The following PNKD variants were observed in gnomAD, a reference collection of about 807,000 sequenced individuals.
PNKD encodes probable thioesterase PNKD.
PNKD carries 36 observed loss-of-function variants against 45.3 expected under a neutral mutation model. The observed-to-expected ratio is 0.80, with a 90% CI of 0.61 to 1.05. PNKD has a LOEUF of 1.05. PNKD is among the 50% of genes least tolerant of loss of function. The probability of loss-of-function intolerance (pLI) is 0.00; values close to 1 mark genes in which losing one functional copy is unlikely to be tolerated. For missense variants in PNKD, 511 were observed against 506.6 expected (o/e 1.01, Z -0.08); for synonymous variants, 197 against 210.1 (o/e 0.94, Z 0.54).
intron 2 of PNKD, among the ~76,000 whole-genome samples, chr2:218,307,844 G>A (rs1028136376): frequency 3.3e-5 from 5 of 152,180 alleles, no homozygotes; most frequent in Admixed American, 3.3e-4. Flanking sequence ...GGAAGGCAGA[G>A]GAAAAAGGCA....
At chr2:218,330,190 T>A (rs886421332) in intron 2 of PNKD, among the ~76,000 whole-genome samples, 4 of 152,204 alleles carry the variant, frequency 2.6e-5, no homozygotes, top group African/African-American at 9.7e-5. Context: ...GCCCCTGTTA[T>A]GCTGCTCCCC....
In PNKD at chr2:218,340,301, G is replaced by C. The variant is rs889899692; in HGVS notation, c.465+160G>C. On this transcript the variant is annotated intron_variant, in intron 4 of 9. Coordinates refer to ENST00000273077, the MANE Select transcript of PNKD (RefSeq NM_015488.5). This position sits in a 1 kb window ranked among gnomAD's most constrained non-coding sequence, Gnocchi z 4.2. ...ATGCGCACACATAGCCTGGGGAAGG[G>C]GGGTACAGGGCATGGCTGGGCAGAA... 1.2e-4 allele frequency among the ~76,000 whole-genome samples: 18 copies of C among 152,130 alleles called. No individual in the cohort carries two copies. Among genetic ancestry groups the C allele is most frequent in the African/African-American group, 4.3e-4 (18 of 41,432 alleles).
intron 2 of PNKD, among the ~76,000 whole-genome samples, chr2:218,333,337 C>G (rs185912076): frequency 1.3e-5 from 2 of 152,336 alleles, no homozygotes; most frequent in Admixed American, 1.3e-4. Flanking sequence ...CCGCACAGAT[C>G]TGTCCTTTCT....
intron 2 of PNKD, among the ~76,000 whole-genome samples, chr2:218,310,038 C>T (rs779982487): frequency 2.0e-5 from 3 of 152,022 alleles, no homozygotes; most frequent in Non-Finnish European, 2.9e-5. Flanking sequence ...TTCAGGCAGT[C>T]GGTGAGGTCT....
At position 218,326,710 on chromosome 2, in the gene PNKD, CCT is replaced by C. The variant is rs1356525359; in HGVS notation, c.237-13072_237-13071del. Among the ~76,000 whole-genome samples, 1 of 152,118 alleles carries C rather than the reference CCT, an allele frequency of 6.6e-6. No individual in the cohort carries two copies. The highest frequency in any genetic ancestry group is 2.4e-5 in the African/African-American group (1 of 41,404). On this transcript the variant is annotated intron_variant, in intron 2 of 9. Coordinates refer to ENST00000273077, the MANE Select transcript of PNKD (RefSeq NM_015488.5). The surrounding 1 kb of genome is among the most constrained non-coding windows in gnomAD (Gnocchi z 4.1). ...TGGAGCTTCCTTACTTAATTCCACC[CCT>C]GTCTTCCAAGCCTGTCCTACCCACC...
At chr2:218,315,448 C>T (rs1036956343) in intron 2 of PNKD, among the ~76,000 whole-genome samples, 16 of 152,126 alleles carry the variant, frequency 1.1e-4, no homozygotes, top group Non-Finnish European at 1.6e-4. Context: ...TGAGCCATGG[C>T]GCCCGGCCAA....
chr2:218,321,659 AC>A (rs59234556), intron 2 of PNKD, among the ~76,000 whole-genome samples: 132,971 of 132,986 alleles, frequency 1, 66,478 homozygotes, highest in Middle Eastern at 1. Flanking sequence ...ACGGAGTCTC[AC>A]CCCTGTCACC....
At chr2:218,329,805 T>G (rs1694267381) in intron 2 of PNKD, among the ~76,000 whole-genome samples, 1 of 152,250 alleles carries the variant, frequency 6.6e-6, no homozygotes, top group Non-Finnish European at 1.5e-5. Flanking sequence ...GTTTTGAGAA[T>G]GCACAAAACA....
At chr2:218,322,531 C>T (rs2106274304) in intron 2 of PNKD, among the ~76,000 whole-genome samples, 1 of 152,330 alleles carries the variant, frequency 6.6e-6, no homozygotes, top group Non-Finnish European at 1.5e-5. Flanking sequence ...TCCTCCAGAG[C>T]TTGTGTGGCC....
chr2:218,321,623 C>CT lies in PNKD; in HGVS notation c.237-18138dup, dbSNP rs35315674. Among the ~76,000 whole-genome samples the CT allele has an allele frequency of 7.6e-3, 717 of 93,844 alleles. 24 individuals carry two copies. The highest frequency in any genetic ancestry group is 0.014 in the African/African-American group (325 of 23,426). 61.6% of individuals were successfully genotyped at this position (93,844 alleles called of 152,430 possible). ...CCAGCAGCAGCAAAGGTGAGCTTGA[C>CT]TTTTTTTTTTTTTTTTTTTTTTGAG... is the stretch of plus-strand genomic sequence containing the variant. On this transcript the variant is annotated intron_variant, in intron 2 of 9. Coordinates refer to ENST00000273077, the MANE Select transcript of PNKD (RefSeq NM_015488.5).
At chr2:218,280,415 G>C (rs987837472) in intron 2 of PNKD, 1 of 367,950 alleles carries the variant, frequency 2.7e-6, no homozygotes, top group Non-Finnish European at 5.1e-6. Flanking sequence ...ATGTAGTGGG[G>C]AAGCCAGGCA....
At chr2:218,293,888 C>T (rs1423417112) in intron 2 of PNKD, among the ~76,000 whole-genome samples, 12 of 129,154 alleles carry the variant, frequency 9.3e-5, no homozygotes, top group Non-Finnish European at 1.7e-4. Context: ...GCTAGGATTA[C>T]AGACATGAGC....
intron 2 of PNKD, among the ~76,000 whole-genome samples, chr2:218,317,578 T>C (rs745345577): frequency 6.6e-6 from 1 of 152,164 alleles, no homozygotes; most frequent in Non-Finnish European, 1.5e-5. Context: ...CTGGAGACAA[T>C]GTAGGAGACT....
chr2:218,277,225 G>T, intron 2 of PNKD: 1 of 1,156,462 alleles, frequency 8.6e-7, no homozygotes, highest in Non-Finnish European at 1.3e-6. Flanking sequence ...ACATTCTAAG[G>T]ACAGAAACAG....
chr2:218,295,187 A>G (rs1447192153), intron 2 of PNKD, among the ~76,000 whole-genome samples: 1 of 152,206 alleles, frequency 6.6e-6, no homozygotes, highest in Non-Finnish European at 1.5e-5. Flanking sequence ...CGCTGGCAAT[A>G]GGCATTCGAT....
At chr2:218,272,756 G>T in intron 2 of PNKD, 1 of 1,614,110 alleles carries the variant, frequency 6.2e-7, no homozygotes, top group African/African-American at 1.3e-5. Context: ...CTGGGGTGCA[G>T]ACCTGAGGAG....
At chr2:218,325,107 G>C (rs1206384370) in intron 2 of PNKD, among the ~76,000 whole-genome samples, 1 of 143,062 alleles carries the variant, frequency 7.0e-6, no homozygotes, top group Non-Finnish European at 1.5e-5. Context: ...CACCGTGTTG[G>C]TCAGGCTGGT....
intron 2 of PNKD, among the ~76,000 whole-genome samples, chr2:218,311,875 G>C (rs1317005770): frequency 6.6e-6 from 1 of 152,208 alleles, no homozygotes; most frequent in Non-Finnish European, 1.5e-5. Context: ...TGTCTCAGTT[G>C]GGGGAAACCT....
intron 2 of PNKD, among the ~76,000 whole-genome samples, chr2:218,284,799 A>G (rs1252721919): frequency 6.6e-6 from 1 of 152,228 alleles, no homozygotes; most frequent in East Asian, 1.9e-4. Flanking sequence ...GTGAGAAAAT[A>G]CACATAGAAG....
Sources: allele counts gnomAD v4.1 joint callset (sites outside exome capture counted in the v4.1 genomes callset), GRCh38; gene constraint gnomAD v4.1.1; non-coding constraint Gnocchi (gnomAD v3.1); transcripts MANE v1.5; gene names NCBI Gene and HGNC (gene_info 2026-07-23, HGNC 2026-07-21).